Variants in AOAH observed in about 807,000 individuals in gnomAD.
AOAH encodes acyloxyacyl hydrolase (neutrophil).
AOAH carries 64 observed loss-of-function variants against 92.2 expected under a neutral mutation model. That is an observed-to-expected ratio of 0.69 (90% CI 0.57 to 0.86). The LOEUF (loss-of-function observed/expected upper bound fraction) is 0.86. Ranked by LOEUF, AOAH falls within the 40% of genes least tolerant of loss-of-function variation. The pLI is 0.00. For missense variants in AOAH, 656 were observed against 694.6 expected (o/e 0.94, Z 0.62); for synonymous variants, 263 against 254.5 (o/e 1.03, Z -0.32).
At chr7:36,587,819 G>T (rs1161589641) in intron 12 of AOAH, among the ~76,000 whole-genome samples, 1 of 152,096 alleles carries the variant, frequency 6.6e-6, no homozygotes, top group East Asian at 1.9e-4. Context: ...TTGAAAATAT[G>T]ATTTTCAAAC....
At chr7:36,649,762 C>T (rs897662818) in intron 4 of AOAH, among the ~76,000 whole-genome samples, 2 of 152,160 alleles carry the variant, frequency 1.3e-5, no homozygotes, top group African/African-American at 4.8e-5. Context: ...ACTTGCTGTC[C>T]ACCACTGCTG....
chr7:36,600,867 C>T (rs1263807865), intron 11 of AOAH, among the ~76,000 whole-genome samples: 1 of 152,196 alleles, frequency 6.6e-6, no homozygotes. Context: ...TTGAGAGCTG[C>T]CGCCATCTTT....
At chr7:36,700,891 T>C (rs181727926) in intron 1 of AOAH, among the ~76,000 whole-genome samples, 536 of 152,214 alleles carry the variant, frequency 3.5e-3, no homozygotes, top group African/African-American at 0.012. Context: ...TAGCATAAGA[T>C]GATATCTCAT....
chr7:36,530,355 T>G, intron 19 of AOAH, 63 bp downstream of exon 19: 1 of 1,200,184 alleles, frequency 8.3e-7, no homozygotes, highest in Non-Finnish European at 1.2e-6. Context: ...TAAAACCAGT[T>G]GCCCAGGCCC....
intron 13 of AOAH, among the ~76,000 whole-genome samples, chr7:36,565,319 C>T (rs569400709): frequency 6.6e-6 from 1 of 152,214 alleles, no homozygotes; most frequent in South Asian, 2.1e-4. Context: ...GGGTTGAAAC[C>T]AAATACTCAA....
In AOAH at chr7:36,514,157, TG is replaced by T. The variant is rs565019453; in HGVS notation, c.1600-778del. Among the ~76,000 whole-genome samples the T allele has an allele frequency of 2.7e-3, 415 of 151,700 alleles. 1 individual carries two copies. Among genetic ancestry groups the T allele is most frequent in the Non-Finnish European group, 4.1e-3 (277 of 67,870 alleles). ...GGGAAGAGGTGTCACTTCTGTCTGG[TG>T]GGGGAAGGGGTGGGATCTCTCTGAA... On this transcript the variant is annotated intron_variant, in intron 20 of 20. Transcript: ENST00000617537.
intron 4 of AOAH, among the ~76,000 whole-genome samples, chr7:36,643,745 G>T (rs1372119749): frequency 6.6e-6 from 1 of 152,152 alleles, no homozygotes; most frequent in Non-Finnish European, 1.5e-5. Flanking sequence ...GATCATGGGG[G>T]TGGATTTCCC....
At chr7:36,545,528 GC>G (rs1406107796) in intron 15 of AOAH, among the ~76,000 whole-genome samples, 1 of 152,168 alleles carries the variant, frequency 6.6e-6, no homozygotes. Flanking sequence ...CTGGTCAACT[GC>G]CCAGGGTGTA....
At chr7:36,579,236 A>T (rs1788744173) in intron 12 of AOAH, among the ~76,000 whole-genome samples, 2 of 151,992 alleles carry the variant, frequency 1.3e-5, no homozygotes, top group Admixed American at 1.3e-4. Flanking sequence ...CAGGCACATC[A>T]TGTGAGTGAA....
At chr7:36,606,594 T>A (rs1791018717) in intron 11 of AOAH, among the ~76,000 whole-genome samples, 1 of 152,224 alleles carries the variant, frequency 6.6e-6, no homozygotes, top group Admixed American at 6.5e-5. Context: ...GTCATGCAAT[T>A]CTGATTCAGT....
chr7:36,591,159 A>G (rs1195677584), intron 12 of AOAH, among the ~76,000 whole-genome samples: 1 of 152,220 alleles, frequency 6.6e-6, no homozygotes, highest in Non-Finnish European at 1.5e-5. Flanking sequence ...CAGCAAACAC[A>G]GGCACAGTAC....
At chr7:36,607,515 C>G (rs1433732897) in intron 11 of AOAH, among the ~76,000 whole-genome samples, 1 of 152,150 alleles carries the variant, frequency 6.6e-6, no homozygotes, top group African/African-American at 2.4e-5. Flanking sequence ...TCCTTTTTCC[C>G]ACTGCACACT....
intron 12 of AOAH, among the ~76,000 whole-genome samples, chr7:36,582,726 G>A (rs1789020321): frequency 6.6e-6 from 1 of 152,172 alleles, no homozygotes; most frequent in African/African-American, 2.4e-5. Context: ...TATTTGGAGA[G>A]AGGCAAAAAT....
chr7:36,652,906 G>A (rs1377158630), intron 4 of AOAH, among the ~76,000 whole-genome samples: 1 of 152,208 alleles, frequency 6.6e-6, no homozygotes, highest in Non-Finnish European at 1.5e-5. Flanking sequence ...AACAGAAGAG[G>A]ACATTAGAGG....
intron 3 of AOAH, among the ~76,000 whole-genome samples, chr7:36,672,006 G>A (rs1416319459): frequency 6.6e-6 from 1 of 152,168 alleles, no homozygotes; most frequent in Non-Finnish European, 1.5e-5. Flanking sequence ...TAGCTATAAT[G>A]TAGATTATGA....
intron 1 of AOAH, among the ~76,000 whole-genome samples, chr7:36,704,421 C>A (rs1289990990): frequency 1.3e-5 from 2 of 152,126 alleles, no homozygotes; most frequent in Non-Finnish European, 2.9e-5. Flanking sequence ...GACACATACA[C>A]CCTCCCAAAA....
At chr7:36,594,559 C>T (rs1170469240) in intron 11 of AOAH, 129 bp from the exon 12 acceptor site, 1 of 797,996 alleles carries the variant, frequency 1.3e-6, no homozygotes, top group Admixed American at 2.0e-5. Flanking sequence ...GCTTTAAGGG[C>T]TTTTGGTATT....
Position 36,678,600 on chromosome 7 carries a change from T to TGCGC in AOAH, c.224-4595_224-4592dup, listed in dbSNP as rs1554314414. On this transcript the variant is annotated intron_variant, in intron 2 of 20. Coordinates refer to ENST00000617537, the MANE Select transcript of AOAH (RefSeq NM_001637.4). ...GTGTGTGTGTGTGTGTGTGTGTGTG[T>TGCGC]GCGCGCGCGCGCGCGTTAGAATTCT... Among the ~76,000 whole-genome samples, 691 of 130,718 alleles carry TGCGC rather than the reference T, an allele frequency of 5.3e-3. 8 individuals are homozygous for TGCGC. Among genetic ancestry groups the TGCGC allele is most frequent in the Middle Eastern group, 8.6e-3 (2 of 232 alleles). 85.8% of individuals were successfully genotyped at this position (130,718 alleles called of 152,430 possible).
intron 1 of AOAH, among the ~76,000 whole-genome samples, chr7:36,692,739 A>G (rs1181131449): frequency 1.3e-5 from 2 of 152,248 alleles, no homozygotes; most frequent in African/African-American, 4.8e-5. Context: ...TTCAGCACGT[A>G]CTATGTGCCC....
Sources: gnomAD v4.1 joint callset for allele counts (sites outside exome capture counted in the v4.1 genomes callset) on GRCh38, gnomAD v4.1.1 for gene constraint, MANE v1.5 for transcripts, NCBI Gene and HGNC (gene_info 2026-07-23, HGNC 2026-07-21) for gene names.